Variants in MTUS2 observed in about 807,000 individuals in gnomAD.
The protein encoded by MTUS2 is microtubule associated scaffold protein 2.
In MTUS2, 40 loss-of-function variants were observed where a neutral mutation model predicts 114.1. The observed-to-expected ratio is 0.35, with a 90% CI of 0.27 to 0.46. The LOEUF is 0.46. Among genes scored for constraint, MTUS2 ranks in the 20% least tolerant of loss-of-function variants. The probability of loss-of-function intolerance (pLI) is 1.00; values close to 1 mark genes in which losing one functional copy is unlikely to be tolerated. For synonymous variants in MTUS2, 688 were observed against 672.0 expected (o/e 1.02, Z -0.37); for missense variants, 1,679 against 1,705.4 (o/e 0.98, Z 0.27).
intron 8 of MTUS2, among the ~76,000 whole-genome samples, chr13:29,377,878 CAAAG>C (rs1290243842): frequency 3.9e-5 from 6 of 152,048 alleles, no homozygotes; most frequent in Non-Finnish European, 5.9e-5. Context: ...GTAAGACTGA[CAAAG>C]AAAGAAAAAG....
intron 8 of MTUS2, among the ~76,000 whole-genome samples, chr13:29,360,343 G>A (rs1241657798): frequency 6.6e-6 from 1 of 152,208 alleles, no homozygotes; most frequent in Non-Finnish European, 1.5e-5. Context: ...GCAGAAGAAT[G>A]TGAAGTGGCT....
chr13:29,396,071 G>T (rs1385348655), intron 8 of MTUS2, among the ~76,000 whole-genome samples: 1 of 152,208 alleles, frequency 6.6e-6, no homozygotes, highest in East Asian at 1.9e-4. Flanking sequence ...CTGTGGTTAA[G>T]ATGTCACTAA....
chr13:28,851,782 G>T (rs955453479), intron 2 of MTUS2, among the ~76,000 whole-genome samples: 1 of 151,460 alleles, frequency 6.6e-6, no homozygotes, highest in Non-Finnish European at 1.5e-5. Flanking sequence ...GGCCCTGTGG[G>T]ATGTATCTGA....
chr13:28,952,613 TC>T lies in MTUS2; in HGVS notation c.-242-71842del, dbSNP rs140012683. On this transcript the variant is annotated intron_variant, in intron 2 of 15. Coordinates refer to ENST00000612955, the MANE Select transcript of MTUS2 (RefSeq NM_001033602.4). ...ACTTGGTGCATATCTTTTTATGTTT[TC>T]CTCTATCCCCAGGTAACCATATGTG... 6.3e-4 allele frequency among the ~76,000 whole-genome samples: 96 copies of T among 152,352 alleles called. No homozygotes were observed. In the East Asian group the frequency reaches 0.017, roughly 26 times the overall value.
chr13:29,032,574 T>C (rs1886877454), intron 3 of MTUS2, among the ~76,000 whole-genome samples: 1 of 152,226 alleles, frequency 6.6e-6, no homozygotes, highest in Non-Finnish European at 1.5e-5. Context: ...TTCATAGGAA[T>C]ATAATTTGCT....
At chr13:29,250,618 T>C (rs1182835233) in intron 5 of MTUS2, 3 of 151,858 alleles carry the variant, frequency 2.0e-5, no homozygotes, top group African/African-American at 7.3e-5. Context: ...CTCACCTTTT[T>C]GTCCACTCTC....
At chr13:29,111,034 A>G (rs534762063) in intron 5 of MTUS2, among the ~76,000 whole-genome samples, 4 of 152,336 alleles carry the variant, frequency 2.6e-5, no homozygotes, top group African/African-American at 9.6e-5. Flanking sequence ...GGATTGGATT[A>G]AATGAATTGA....
intron 8 of MTUS2, among the ~76,000 whole-genome samples, chr13:29,423,548 A>G (rs575615578): frequency 1.3e-5 from 2 of 152,370 alleles, no homozygotes; most frequent in East Asian, 3.9e-4. Context: ...CTGAGCATCA[A>G]AAAACAGTAA....
At chr13:28,872,624 A>G (rs1877688940) in intron 2 of MTUS2, among the ~76,000 whole-genome samples, 1 of 152,162 alleles carries the variant, frequency 6.6e-6, no homozygotes, top group Non-Finnish European at 1.5e-5. Flanking sequence ...GAGAGGAAGT[A>G]ACAGAGTGGG....
chr13:29,424,317 G>A (rs781427333), intron 8 of MTUS2, among the ~76,000 whole-genome samples: 21 of 152,088 alleles, frequency 1.4e-4, no homozygotes, highest in South Asian at 4.1e-4. Context: ...AAAATATAAC[G>A]TACCCCATAA....
chr13:28,945,434 T>C (rs327128), intron 2 of MTUS2, among the ~76,000 whole-genome samples: 1 of 152,014 alleles, frequency 6.6e-6, no homozygotes, highest in Admixed American at 6.5e-5. Context: ...TTGTACTAAT[T>C]TACATTCCCA....
intron 1 of MTUS2, among the ~76,000 whole-genome samples, chr13:28,835,370 A>G (rs1319317280): frequency 1.3e-5 from 2 of 152,234 alleles, no homozygotes; most frequent in East Asian, 3.8e-4. Flanking sequence ...CTGAACTTTG[A>G]AAGCATTTTG....
chr13:28,971,941 A>G (rs1032739805), intron 2 of MTUS2, among the ~76,000 whole-genome samples: 1 of 152,256 alleles, frequency 6.6e-6, no homozygotes, highest in Admixed American at 6.5e-5. Flanking sequence ...GCAAACAGCC[A>G]TGCTGGACAA....
chr13:29,321,320 G>A (rs1269000916), intron 6 of MTUS2, among the ~76,000 whole-genome samples: 1 of 152,172 alleles, frequency 6.6e-6, no homozygotes, highest in East Asian at 1.9e-4. Flanking sequence ...GAAAACATGA[G>A]ACCAAAGACC....
rs1222620100 is a variant in MTUS2, at chr13:29,148,476, T to C, written c.2644+47506T>C. ...GAACATGCTGTGTTTGGTTTTCTTT[T>C]TTTTTTTTTTTTTTTTTTTTGAGAC... On this transcript the variant is annotated intron_variant, in intron 5 of 15. Transcript: ENST00000612955. 8.6e-5 allele frequency among the ~76,000 whole-genome samples: 9 copies of C among 104,538 alleles called. 1 individual carries two copies. The South Asian group carries it at 2.6e-3, about 30-fold the overall frequency. The allele number at this position is 104,538 out of a possible 152,430, so 68.6% of individuals were successfully genotyped here.
intron 11 of MTUS2, among the ~76,000 whole-genome samples, chr13:29,491,722 GGTGTGTGTGGGGC>G (rs1882113131): frequency 7.0e-6 from 1 of 142,974 alleles, no homozygotes; most frequent in Non-Finnish European, 1.5e-5. Context: ...GTGTGTGGTA[GGTGTGTGTGGGGC>G]GTGTGGGGTG....
intron 8 of MTUS2, among the ~76,000 whole-genome samples, chr13:29,385,284 C>A (rs1465704372): frequency 6.6e-6 from 1 of 152,208 alleles, no homozygotes; most frequent in Admixed American, 6.5e-5. Context: ...TAGGGTAGCT[C>A]TGTGGCCTGT....
chr13:28,857,825 A>G (rs141556501), intron 2 of MTUS2, among the ~76,000 whole-genome samples: 18 of 152,326 alleles, frequency 1.2e-4, no homozygotes, highest in African/African-American at 4.3e-4. Context: ...TATTTCCAGC[A>G]TTACCCATCA....
intron 5 of MTUS2, among the ~76,000 whole-genome samples, chr13:29,243,489 G>A (rs981616519): frequency 3.3e-5 from 5 of 152,154 alleles, no homozygotes; most frequent in Non-Finnish European, 7.4e-5. Context: ...TGGCAAGGTC[G>A]GAAGCCAGTT....
Sources: gnomAD v4.1 joint callset for allele counts (sites outside exome capture counted in the v4.1 genomes callset) on GRCh38, gnomAD v4.1.1 for gene constraint, MANE v1.5 for transcripts, NCBI Gene and HGNC (gene_info 2026-07-23, HGNC 2026-07-21) for gene names.